The following ACADSB variants were observed in gnomAD, a reference collection of about 807,000 sequenced individuals.
ACADSB encodes short/branched chain specific acyl-CoA dehydrogenase, mitochondrial.
A neutral mutation model predicts 54.1 loss-of-function variants in ACADSB; 40 were observed. That is an observed-to-expected ratio of 0.74 (90% confidence interval 0.57 to 0.96). The LOEUF is 0.96. Ranked by LOEUF, ACADSB falls within the 40% of genes least tolerant of loss-of-function variation. ACADSB has a pLI of 0.00. For missense variants in ACADSB, 530 were observed against 510.4 expected (o/e 1.04, Z -0.37); for synonymous variants, 182 against 182.8 (o/e 1.00, Z 0.03).
intron 1 of ACADSB, among the ~76,000 whole-genome samples, chr10:123,011,199 C>T (rs896569816): frequency 6.6e-6 from 1 of 152,172 alleles, no homozygotes; most frequent in Non-Finnish European, 1.5e-5. Context: ...AAATGGAAAG[C>T]TAGCATTTAC....
intron 7 of ACADSB, 146 bp downstream of exon 7, chr10:123,044,631 C>A: frequency 1.4e-6 from 1 of 699,620 alleles, no homozygotes; most frequent in South Asian, 1.6e-5. Flanking sequence ...CTTATTATTT[C>A]TTTCAAATTC....
chr10:123,053,551 G>A (rs1850660826), intron 10 of ACADSB, 144 bp from the exon 11 acceptor site: 2 of 772,450 alleles, frequency 2.6e-6, no homozygotes, highest in Admixed American at 3.9e-5. Flanking sequence ...AAATTACTGT[G>A]AAATAGTACC....
At chr10:123,016,061 GTAATT>G (rs148977633) in intron 1 of ACADSB, among the ~76,000 whole-genome samples, 2,327 of 152,338 alleles carry the variant, frequency 0.015, 51 homozygotes, top group East Asian at 0.11. Flanking sequence ...TGGAGAAAAA[GTAATT>G]TAGGGTGACA....
chr10:123,047,350 T>C, intron 8 of ACADSB, 52 bp downstream of exon 8: 1 of 1,254,176 alleles, frequency 8.0e-7, no homozygotes, highest in Non-Finnish European at 1.2e-6. Flanking sequence ...CAGCTTCCTG[T>C]TAATGAAGGG....
At chr10:123,036,371 G>A (rs1027339683) in intron 2 of ACADSB, among the ~76,000 whole-genome samples, 2 of 152,248 alleles carry the variant, frequency 1.3e-5, no homozygotes, top group African/African-American at 4.8e-5. Context: ...ACAGGCATGA[G>A]CCACTGCGCC....
Position 123,034,412 on chromosome 10 carries a change from A to G in ACADSB, c.99A>G (p.Ser33=). Reference sequence around the variant, plus strand: ...CTTGGAAGATTCCTCCTCATGTCTCAAAATCTTCCCAGTCAGAAGCTCTAC... The same window carrying G: ...CTTGGAAGATTCCTCCTCATGTCTCGAAATCTTCCCAGTCAGAAGCTCTAC... ...LSSWKIPPHV[S]KSSQSEALLN... Residue 33 remains serine, a synonymous_variant, in exon 2 of 11, where the codon TCA becomes TCG. Transcript: ENST00000358776. 2 of 1,613,788 alleles carry G rather than the reference A, an allele frequency of 1.2e-6. No individual in the cohort carries two copies. The highest frequency in any genetic ancestry group is 1.7e-6 in the Non-Finnish European group (2 of 1,179,900).
chr10:123,034,115 G>T (rs1366527557), intron 1 of ACADSB, among the ~76,000 whole-genome samples: 3 of 152,214 alleles, frequency 2.0e-5, no homozygotes, highest in Non-Finnish European at 2.9e-5. Flanking sequence ...CTGTCTCCTT[G>T]ATTGGTAAAA....
intron 1 of ACADSB, among the ~76,000 whole-genome samples, chr10:123,022,087 A>T (rs956403759): frequency 6.6e-5 from 10 of 152,234 alleles, no homozygotes; most frequent in Non-Finnish European, 1.3e-4. Flanking sequence ...TATAGCTTGG[A>T]TATCCACTTT....
At chr10:123,050,990 G>A (rs1850623720) in intron 8 of ACADSB, 59 bp from the exon 9 acceptor site, 1 of 1,584,868 alleles carries the variant, frequency 6.3e-7, no homozygotes, top group South Asian at 1.1e-5. Flanking sequence ...AGGACTTTGA[G>A]GTTGAGGTGC....
Position 123,052,776 on chromosome 10 carries a change from G to A in ACADSB, c.1129-285G>A. ...GAAATGTCCCTTAGCTCGTCCGTTA[G>A]GCCCCCAGTAAACATTTCCTGAATA... On this transcript the variant is annotated intron_variant, in intron 9 of 10. Transcript: ENST00000358776. The surrounding 1 kb of genome is among the most constrained non-coding windows in gnomAD (Gnocchi z 4.2). 2.4e-6 allele frequency: 1 copy of A among 416,294 alleles called. No individual in the cohort carries two copies. Among genetic ancestry groups the A allele is most frequent in the Non-Finnish European group, 4.5e-6 (1 of 222,668 alleles). The allele number at this position is 416,294 out of a possible 1,614,324, so 25.8% of individuals were successfully genotyped here.
At chr10:123,025,544 A>G (rs1850240546) in intron 1 of ACADSB, among the ~76,000 whole-genome samples, 1 of 152,220 alleles carries the variant, frequency 6.6e-6, no homozygotes, top group Non-Finnish European at 1.5e-5. Context: ...AAGTCAAAAG[A>G]CAAATCACAA....
intron 2 of ACADSB, among the ~76,000 whole-genome samples, chr10:123,037,310 A>G (rs1342360683): frequency 6.6e-6 from 1 of 152,256 alleles, no homozygotes; most frequent in Non-Finnish European, 1.5e-5. Context: ...AAGATCATCA[A>G]GATATAGTTG....
chr10:123,027,491 G>A (rs190697767), intron 1 of ACADSB: 4 of 454,526 alleles, frequency 8.8e-6, no homozygotes, highest in Admixed American at 2.4e-5. Flanking sequence ...GTGTTTATCA[G>A]GGTTTCCACT....
intron 1 of ACADSB, among the ~76,000 whole-genome samples, chr10:123,020,294 G>A (rs558315578): frequency 6.6e-6 from 1 of 152,052 alleles, no homozygotes; most frequent in African/African-American, 2.4e-5. Flanking sequence ...CTCCCCAGGA[G>A]GGGGAATTTC....
chr10:123,050,757 AAC>A (rs1850619305), intron 8 of ACADSB, among the ~76,000 whole-genome samples: 3 of 152,200 alleles, frequency 2.0e-5, no homozygotes, highest in Admixed American at 6.5e-5. Context: ...TATTAAATAT[AAC>A]AGTCAAGTTT....
chr10:123,044,901 G>C (rs1346399650), intron 7 of ACADSB, among the ~76,000 whole-genome samples: 1 of 151,684 alleles, frequency 6.6e-6, no homozygotes, highest in Non-Finnish European at 1.5e-5. Flanking sequence ...TAAAAGATTT[G>C]TTGCTTACTG....
At chr10:123,053,202 T>G (rs575428619) in intron 10 of ACADSB, 42 bp downstream of exon 10, 1 of 1,505,298 alleles carries the variant, frequency 6.6e-7, no homozygotes, top group Non-Finnish European at 9.2e-7. Flanking sequence ...TTGTTTTATT[T>G]GCCTCTGTAG....
At chr10:123,010,180 G>A (rs988209102) in intron 1 of ACADSB, among the ~76,000 whole-genome samples, 18 of 152,200 alleles carry the variant, frequency 1.2e-4, no homozygotes, top group African/African-American at 3.6e-4. Context: ...TTTATTGACC[G>A]CATACTCTGT....
At chr10:123,038,146 T>C (rs1005596229) in intron 3 of ACADSB, among the ~76,000 whole-genome samples, 4 of 152,212 alleles carry the variant, frequency 2.6e-5, no homozygotes, top group African/African-American at 9.6e-5. Flanking sequence ...GGGCAACGTC[T>C]AGGGACATCT....
Sources: gnomAD v4.1 joint callset for allele counts (sites outside exome capture counted in the v4.1 genomes callset) on GRCh38, gnomAD v4.1.1 for gene constraint, Gnocchi (gnomAD v3.1) non-coding constraint, MANE v1.5 for transcripts, NCBI Gene and HGNC (gene_info 2026-07-23, HGNC 2026-07-21) for gene names.